CREBRF: variants seen among roughly 807,000 people sequenced by gnomAD.
CREBRF encodes the protein CREB3 regulatory factor.
CREBRF carries 5 observed loss-of-function variants against 66.1 expected under a neutral mutation model. The ratio of observed to expected loss-of-function variants is 0.08; its 90% confidence interval spans 0.04 to 0.16. The LOEUF (loss-of-function observed/expected upper bound fraction) is 0.16. Ranked by LOEUF, CREBRF falls within the 10% of genes least tolerant of loss-of-function variation. The pLI is 1.00. For missense variants in CREBRF, 531 were observed against 744.9 expected (o/e 0.71, Z 3.34); for synonymous variants, 229 against 264.4 (o/e 0.87, Z 1.30).
Position 173,091,086 on chromosome 5 carries a change from C to G in CREBRF, c.907C>G (p.Leu303Val). Residue 303 changes from leucine to valine, a missense_variant, in exon 4 of 9, where the codon CTG becomes GTG. This residue lies in a region of CREBRF where 309 missense variants were observed against 341.4 expected (regional missense o/e 0.90). Transcript: ENST00000296953. ...KETQELLLSP[L>V]PQEGPGSLAA... ...AACCCAGGAACTATTACTAAGTCCC[C>G]TGCCCCAGGAAGGTCCTGGGTCACT... The G allele has an allele frequency of 6.2e-7, 1 of 1,614,226 alleles. No homozygotes were observed. Among genetic ancestry groups the G allele is most frequent in the East Asian group, 2.2e-5 (1 of 44,886 alleles).
At chr5:173,067,654 G>T (rs2113671512) in intron 1 of CREBRF, among the ~76,000 whole-genome samples, 1 of 152,258 alleles carries the variant, frequency 6.6e-6, no homozygotes, top group African/African-American at 2.4e-5. Flanking sequence ...CAACTGATTT[G>T]TGGGCGTTGA....
intron 3 of CREBRF, among the ~76,000 whole-genome samples, chr5:173,087,456 G>A (rs1479373308): frequency 6.6e-6 from 1 of 152,044 alleles, no homozygotes; most frequent in African/African-American, 2.4e-5. Flanking sequence ...CCAGCACTTT[G>A]GGAGGCCAAG....
At chr5:173,099,978 C>T (rs895833949) in intron 4 of CREBRF, among the ~76,000 whole-genome samples, 8 of 148,302 alleles carry the variant, frequency 5.4e-5, no homozygotes, top group Non-Finnish European at 1.0e-4. Flanking sequence ...GCAACCTTGG[C>T]TCACTGCAAC....
chr5:173,099,913 CAG>C (rs1450177907), intron 4 of CREBRF, among the ~76,000 whole-genome samples: 2 of 131,916 alleles, frequency 1.5e-5, no homozygotes, highest in African/African-American at 2.9e-5. Context: ...TTTTTTGAGA[CAG>C]AGTCTTGCTC....
intron 1 of CREBRF, 61 bp downstream of exon 1, chr5:173,056,540 C>CG (rs1001899729): frequency 1.0e-5 from 4 of 391,844 alleles, no homozygotes; most frequent in Non-Finnish European, 1.8e-5. Flanking sequence ...AAGAGCGGAA[C>CG]GGGGGGCGGA....
chr5:173,100,084 G>GTGTA (rs200913035), intron 4 of CREBRF, among the ~76,000 whole-genome samples: 16,527 of 108,608 alleles, frequency 0.15, 2,181 homozygotes, highest in African/African-American at 0.17. Context: ...TCTTTTGTGT[G>GTGTA]TGTGTGTGTG....
At chr5:173,108,164 A>G (rs1173454071) in intron 4 of CREBRF, among the ~76,000 whole-genome samples, 1 of 151,990 alleles carries the variant, frequency 6.6e-6, no homozygotes, top group Non-Finnish European at 1.5e-5. Flanking sequence ...AAAATAAAAG[A>G]AAAATATTTA....
intron 3 of CREBRF, among the ~76,000 whole-genome samples, chr5:173,088,133 A>G (rs546610209): frequency 6.6e-6 from 1 of 151,762 alleles, no homozygotes; most frequent in South Asian, 2.1e-4. Context: ...TGCTTTTAGT[A>G]TGATGCCGAC....
intron 4 of CREBRF, among the ~76,000 whole-genome samples, chr5:173,101,266 A>G (rs867463095): frequency 1.3e-5 from 2 of 151,988 alleles, no homozygotes; most frequent in Non-Finnish European, 2.9e-5. Context: ...CATGTTACCC[A>G]GGCTGGTCTT....
rs777168930 is a variant in CREBRF at position 173,075,987 on chromosome 5, G to A, written c.-191-4598G>A. Among the ~76,000 whole-genome samples, 10 of 147,744 alleles carry A rather than the reference G, an allele frequency of 6.8e-5. No individual in the cohort carries two copies. In the South Asian group the frequency reaches 1.1e-3, roughly 16 times the overall value. On this transcript the variant is annotated intron_variant, in intron 1 of 8. Coordinates refer to ENST00000296953, the MANE Select transcript of CREBRF (RefSeq NM_153607.3). ...TCAAATCCCAGCATTTTGGGAGGCC[G>A]AGGCAGGAGGATCGCTTGAGCCCAT...
chr5:173,119,963 G>A (rs1017844699), intron 7 of CREBRF, among the ~76,000 whole-genome samples: 5 of 152,080 alleles, frequency 3.3e-5, no homozygotes, highest in East Asian at 1.9e-4. Context: ...TGGAATAAAC[G>A]CTACTTGGTT....
chr5:173,118,766 A>G (rs1759067965), intron 7 of CREBRF, among the ~76,000 whole-genome samples: 1 of 150,016 alleles, frequency 6.7e-6, no homozygotes, highest in Non-Finnish European at 1.5e-5. Flanking sequence ...AGGGCTGGGC[A>G]TGGTGGCTCA....
At chr5:173,073,696 A>G (rs1757661778) in intron 1 of CREBRF, among the ~76,000 whole-genome samples, 1 of 152,244 alleles carries the variant, frequency 6.6e-6, no homozygotes, top group African/African-American at 2.4e-5. Flanking sequence ...GGCCGGGCGC[A>G]GTGGCTTACG....
chr5:173,130,912 G>A (rs553676060), intron 8 of CREBRF, among the ~76,000 whole-genome samples: 2 of 152,070 alleles, frequency 1.3e-5, no homozygotes, highest in East Asian at 1.9e-4. Context: ...TCACCATGTT[G>A]GCCAGGCTGG....
chr5:173,064,004 G>A (rs1757360237), intron 1 of CREBRF, among the ~76,000 whole-genome samples: 1 of 152,208 alleles, frequency 6.6e-6, no homozygotes, highest in South Asian at 2.1e-4. Context: ...TTACAGGCGT[G>A]AGCCAATGCA....
chr5:173,104,728 A>AGG (rs1758708803), intron 4 of CREBRF, among the ~76,000 whole-genome samples: 1 of 151,000 alleles, frequency 6.6e-6, no homozygotes, highest in African/African-American at 2.5e-5. Context: ...AGAGAGAGAG[A>AGG]GAGAGAGAGA....
intron 4 of CREBRF, chr5:173,092,189 G>T: frequency 1.0e-6 from 1 of 956,382 alleles, no homozygotes; most frequent in Non-Finnish European, 1.2e-6. Context: ...AAGTGATGAT[G>T]GTTTATATTA....
chr5:173,057,969 C>T (rs1441105823), intron 1 of CREBRF, among the ~76,000 whole-genome samples: 3 of 151,550 alleles, frequency 2.0e-5, no homozygotes, highest in African/African-American at 7.3e-5. Context: ...TATTTAGTTT[C>T]GAAGGTTCTT....
chr5:173,077,204 CAA>C (rs2113698266), intron 1 of CREBRF, among the ~76,000 whole-genome samples: 1 of 152,178 alleles, frequency 6.6e-6, no homozygotes, highest in South Asian at 2.1e-4. Flanking sequence ...CTTGGCTTCC[CAA>C]AGTGCTAGAA....
Sources: allele counts gnomAD v4.1 joint callset (sites outside exome capture counted in the v4.1 genomes callset), GRCh38; gene constraint gnomAD v4.1.1; regional missense constraint gnomAD v4.1.1; transcripts MANE v1.5; gene names NCBI Gene and HGNC (gene_info 2026-07-23, HGNC 2026-07-21).